Variants in F13A1 observed in about 807,000 individuals in gnomAD.
F13A1 encodes coagulation factor XIII A chain.
F13A1 carries 47 observed loss-of-function variants against 80.1 expected under a neutral mutation model. The observed-to-expected ratio is 0.59, with a 90% confidence interval of 0.46 to 0.75. The LOEUF (loss-of-function observed/expected upper bound fraction) is 0.75. Ranked by LOEUF, F13A1 falls within the 30% of genes least tolerant of loss-of-function variation. The pLI, the probability that F13A1 is intolerant of heterozygous loss-of-function variation, is 0.00. For missense variants in F13A1, 817 were observed against 930.4 expected, an observed-to-expected ratio of 0.88 and a Z score of 1.59; for synonymous variants, 349 against 344.9, an observed-to-expected ratio of 1.01 and a Z score of -0.13.
At chr6:6,282,505 T>C (rs779823297) in intron 3 of F13A1, among the ~76,000 whole-genome samples, 25 of 152,198 alleles carry the variant, frequency 1.6e-4, no homozygotes, top group Non-Finnish European at 2.6e-4. Flanking sequence ...CTCAAGATAA[T>C]TTCCTATAAA....
chr6:6,239,221 C>G (rs1757453882), intron 6 of F13A1, among the ~76,000 whole-genome samples: 1 of 151,986 alleles, frequency 6.6e-6, no homozygotes, highest in Non-Finnish European at 1.5e-5. Flanking sequence ...GTAAGAGAAG[C>G]CAGCCCTATT....
chr6:6,306,874 G>A (rs946859746), intron 2 of F13A1, among the ~76,000 whole-genome samples: 1 of 152,122 alleles, frequency 6.6e-6, no homozygotes, highest in Non-Finnish European at 1.5e-5. Flanking sequence ...CAGGATGCCT[G>A]GTCCCTTTGG....
At chr6:6,297,647 T>C (rs1179777276) in intron 3 of F13A1, among the ~76,000 whole-genome samples, 1 of 149,696 alleles carries the variant, frequency 6.7e-6, no homozygotes, top group Non-Finnish European at 1.5e-5. Context: ...TTTTTTTCTT[T>C]ATTAGTCTTG....
chr6:6,182,234 T>C (rs1761001702), intron 10 of F13A1, 93 bp from the exon 11 acceptor site: 6 of 1,365,426 alleles, frequency 4.4e-6, no homozygotes, highest in Non-Finnish European at 5.2e-6. Context: ...TAGAGATCTC[T>C]GGAGCTGACA....
chr6:6,160,019 G>A (rs1425161513), intron 13 of F13A1, among the ~76,000 whole-genome samples: 1 of 152,036 alleles, frequency 6.6e-6, no homozygotes, highest in East Asian at 2.0e-4. Flanking sequence ...GCTCACGCCT[G>A]TAATCCCAGC....
At chr6:6,177,000 G>C (rs7758279) in intron 11 of F13A1, among the ~76,000 whole-genome samples, 2,455 of 152,278 alleles carry the variant, frequency 0.016, 71 homozygotes, top group African/African-American at 0.055. Flanking sequence ...AGGAAGCGCA[G>C]GCCCAGAGAG....
chr6:6,214,730 T>C (rs1237815786), intron 8 of F13A1, among the ~76,000 whole-genome samples: 198 of 62,790 alleles, frequency 3.2e-3, no homozygotes, highest in Non-Finnish European at 4.0e-3. Flanking sequence ...AAAAAATTAA[T>C]GAATCCAGGA....
rs1388667397 is a variant in F13A1 at position 6,250,040 on chromosome 6, C to T, written c.690+771G>A. On this transcript the variant is annotated intron_variant, in intron 5 of 14. Transcript: ENST00000264870. This position sits in a 1 kb window ranked among gnomAD's most constrained non-coding sequence, Gnocchi z 4.2. ...CGGAGCCAAGAAAGTACCCTGTGAC[C>T]ACCAGATTCCATGAAAACTCCCTGC... Among the ~76,000 whole-genome samples the T allele has an allele frequency of 3.9e-5, 6 of 152,134 alleles. No individual in the cohort carries two copies. Among genetic ancestry groups the T allele is most frequent in the Admixed American group, 3.9e-4 (6 of 15,284 alleles).
chr6:6,239,032 C>T (rs964729685), intron 6 of F13A1, among the ~76,000 whole-genome samples: 1 of 152,076 alleles, frequency 6.6e-6, no homozygotes, highest in African/African-American at 2.4e-5. Flanking sequence ...AAAACACATA[C>T]ACAAAAACAC....
intron 8 of F13A1, among the ~76,000 whole-genome samples, chr6:6,209,633 G>A (rs1033594016): frequency 6.6e-6 from 1 of 152,088 alleles, no homozygotes; most frequent in African/African-American, 2.4e-5. Context: ...ATAAAACCTG[G>A]TTTATCCACA....
chr6:6,288,120 C>T (rs573650046), intron 3 of F13A1, among the ~76,000 whole-genome samples: 59 of 152,322 alleles, frequency 3.9e-4, no homozygotes, highest in African/African-American at 1.3e-3. Flanking sequence ...TATTACCTTA[C>T]ATAGTTACCT....
chr6:6,276,855 T>C (rs574544702), intron 3 of F13A1, among the ~76,000 whole-genome samples: 13 of 152,288 alleles, frequency 8.5e-5, no homozygotes, highest in African/African-American at 3.1e-4. Flanking sequence ...CTTACTAAAC[T>C]TATTTTATTT....
chr6:6,211,820 C>T (rs897262696), intron 8 of F13A1, among the ~76,000 whole-genome samples: 80 of 152,330 alleles, frequency 5.3e-4, no homozygotes, highest in African/African-American at 8.4e-4. Flanking sequence ...AGTGGGTGCG[C>T]GCACCATGCG....
intron 8 of F13A1, among the ~76,000 whole-genome samples, chr6:6,204,369 A>C (rs1761450593): frequency 6.6e-6 from 1 of 152,224 alleles, no homozygotes; most frequent in African/African-American, 2.4e-5. Flanking sequence ...GATGTCTTGG[A>C]CCAACTTCAA....
rs1351745229 is a variant in F13A1 at position 6,144,695 on chromosome 6, C to T, written c.*924G>A. ...CTATATATCTGGTCACTAGATCCGC[C>T]AGCTTCTTCAACTTGTTGGGCTTAT... is the stretch of plus-strand genomic sequence containing the variant. On this transcript the variant is annotated 3_prime_UTR_variant, in exon 15 of 15. Coordinates refer to ENST00000264870, the MANE Select transcript of F13A1 (RefSeq NM_000129.4). 1 of 152,360 alleles carries T rather than the reference C, an allele frequency of 6.6e-6. No homozygotes were observed. Among genetic ancestry groups the T allele is most frequent in the Non-Finnish European group, 1.5e-5 (1 of 68,044 alleles). The allele number at this position is 152,360 out of a possible 1,614,324, so 9.4% of individuals were successfully genotyped here.
At chr6:6,271,605 G>A (rs748597336) in intron 3 of F13A1, among the ~76,000 whole-genome samples, 3 of 152,188 alleles carry the variant, frequency 2.0e-5, no homozygotes, top group African/African-American at 4.8e-5. Flanking sequence ...AAGGAATCCC[G>A]TTTTGTTTTT....
Position 6,283,495 on chromosome 6 carries a change from C to T in F13A1, c.320-16686G>A, listed in dbSNP as rs1051005139. On this transcript the variant is annotated intron_variant, in intron 3 of 14. Coordinates refer to ENST00000264870, the MANE Select transcript of F13A1 (RefSeq NM_000129.4). The stretch of plus-strand genomic sequence containing the variant: ...TACACACTAAAGTATTCAGGGATGA[C>T]GAGACATCAGATTGACAACTCTAAT... 7.9e-5 allele frequency among the ~76,000 whole-genome samples: 12 copies of T among 152,126 alleles called. No individual in the cohort carries two copies. The South Asian group carries it at 2.3e-3, about 29-fold the overall frequency.
chr6:6,207,059 AAAC>A (rs1583071522), intron 8 of F13A1, among the ~76,000 whole-genome samples: 1 of 152,216 alleles, frequency 6.6e-6, no homozygotes. Flanking sequence ...GAAGTGAAGC[AAAC>A]AACAATCTGA....
chr6:6,217,247 T>C (rs1228368135), intron 8 of F13A1, among the ~76,000 whole-genome samples: 4 of 152,086 alleles, frequency 2.6e-5, no homozygotes, highest in Non-Finnish European at 5.9e-5. Flanking sequence ...ATTGCGGCAC[T>C]ATTCACAATA....
Sources: allele counts gnomAD v4.1 joint callset (sites outside exome capture counted in the v4.1 genomes callset), GRCh38; gene constraint gnomAD v4.1.1; non-coding constraint Gnocchi (gnomAD v3.1); transcripts MANE v1.5; gene names NCBI Gene and HGNC (gene_info 2026-07-23, HGNC 2026-07-21).